STK38L: variants seen among roughly 807,000 people sequenced by gnomAD.
STK38L encodes the protein serine/threonine kinase 38 like, also known as serine/threonine-protein kinase 38-like.
Under a neutral mutation model 59.7 loss-of-function variants are expected in STK38L, and 28 were observed. The ratio of observed to expected loss-of-function variants is 0.47; its 90% CI spans 0.35 to 0.64. The LOEUF (loss-of-function observed/expected upper bound fraction) is 0.64. Ranked by LOEUF, STK38L falls within the 30% of genes least tolerant of loss-of-function variation. STK38L has a pLI of 0.01. For synonymous variants in STK38L, 162 were observed against 176.8 expected (o/e 0.92, Z 0.66); for missense variants, 314 against 555.8 (o/e 0.56, Z 4.37).
At chr12:27,263,603 A>C (rs1435975038) in intron 1 of STK38L, among the ~76,000 whole-genome samples, 2 of 152,192 alleles carry the variant, frequency 1.3e-5, no homozygotes, top group African/African-American at 4.8e-5. Context: ...GTCCCCTATT[A>C]TGTCCTTTAG....
At chr12:27,315,628 G>A (rs1477042649) in intron 9 of STK38L, among the ~76,000 whole-genome samples, 1 of 152,124 alleles carries the variant, frequency 6.6e-6, no homozygotes, top group Non-Finnish European at 1.5e-5. Context: ...AACTCACTGA[G>A]GTGAATGCAA....
intron 1 of STK38L, among the ~76,000 whole-genome samples, chr12:27,250,185 G>A (rs796886757): frequency 1.1e-4 from 17 of 152,232 alleles, no homozygotes; most frequent in African/African-American, 3.9e-4. Flanking sequence ...TACTTTTCAG[G>A]GGGCCAAGTT....
chr12:27,319,870 T>C (rs1000582453), intron 12 of STK38L, among the ~76,000 whole-genome samples: 3 of 152,240 alleles, frequency 2.0e-5, no homozygotes, highest in Non-Finnish European at 4.4e-5. Flanking sequence ...ATTGTGAGCA[T>C]TGGCTTTTTT....
chr12:27,273,595 TTTA>T (rs1442568259), intron 1 of STK38L, among the ~76,000 whole-genome samples: 1 of 152,210 alleles, frequency 6.6e-6, no homozygotes, highest in Non-Finnish European at 1.5e-5. Context: ...ATTATTTATT[TTTA>T]TTATTGTCAA....
intron 3 of STK38L, among the ~76,000 whole-genome samples, chr12:27,304,145 G>A (rs1944248215): frequency 6.6e-6 from 1 of 151,096 alleles, no homozygotes; most frequent in Non-Finnish European, 1.5e-5. Context: ...TGTAGTCCCA[G>A]CTACTCAGGA....
At chr12:27,318,076 A>G (rs1017889657) in intron 11 of STK38L, 57 bp downstream of exon 11, 2 of 1,598,494 alleles carry the variant, frequency 1.3e-6, no homozygotes, top group Middle Eastern at 1.7e-4. Context: ...CTAAGAACCT[A>G]AAAGACTCAT....
chr12:27,250,842 T>TA (rs964911247), intron 1 of STK38L, among the ~76,000 whole-genome samples: 31 of 151,124 alleles, frequency 2.1e-4, no homozygotes, highest in East Asian at 1.9e-4. Context: ...CTACTAAAAA[T>TA]AAAAAAAATA....
At chr12:27,271,452 T>G (rs1034630204) in intron 1 of STK38L, among the ~76,000 whole-genome samples, 3 of 152,232 alleles carry the variant, frequency 2.0e-5, no homozygotes, top group Admixed American at 6.5e-5. Flanking sequence ...TGGTTCCTCA[T>G]GAGTGGATGC....
Position 27,308,295 on chromosome 12 carries a change from A to G in STK38L, c.187-44A>G. 1 of 1,468,302 alleles carries G rather than the reference A, an allele frequency of 6.8e-7. No homozygotes were observed. 91.0% of individuals were successfully genotyped at this position (1,468,302 alleles called of 1,614,324 possible). The stretch of plus-strand genomic sequence containing the variant: ...TAATACTAGAAGCTCCATCAAAACA[A>G]CCTAATTATAAAATCATCCGTTTAA... On this transcript the variant is annotated intron_variant, in intron 3 of 13. Transcript: ENST00000389032. The surrounding 1 kb of genome is among the most constrained non-coding windows in gnomAD (Gnocchi z 4.5).
At chr12:27,304,085 G>T (rs1944246453) in intron 3 of STK38L, among the ~76,000 whole-genome samples, 2 of 151,758 alleles carry the variant, frequency 1.3e-5, no homozygotes, top group Admixed American at 1.3e-4. Context: ...AATATAGTAA[G>T]ACCTGGTCTC....
chr12:27,279,212 A>G (rs768504584), intron 1 of STK38L, among the ~76,000 whole-genome samples: 2 of 152,300 alleles, frequency 1.3e-5, no homozygotes, highest in East Asian at 1.9e-4. Context: ...GATGTTTTCA[A>G]ATTAGGATTG....
chr12:27,303,012 T>TA lies in STK38L; in HGVS notation c.186+846dup, dbSNP rs33949589. The stretch of plus-strand genomic sequence containing the variant: ...TGGGCGACAGAGCAAGACTCCGTCT[T>TA]AAAAAAAAAAAAAAAAAAAAAATTG... On this transcript the variant is annotated intron_variant, in intron 3 of 13. Transcript: ENST00000389032. Among the ~76,000 whole-genome samples, 1,149 of 119,756 alleles carry TA rather than the reference T, an allele frequency of 9.6e-3. 11 individuals are homozygous for TA. Among genetic ancestry groups the TA allele is most frequent in the African/African-American group, 0.033 (1,033 of 31,750 alleles). 78.6% of individuals were successfully genotyped at this position (119,756 alleles called of 152,430 possible).
intron 1 of STK38L, 56 bp from the exon 2 acceptor site, chr12:27,297,654 T>A: frequency 6.5e-7 from 1 of 1,538,514 alleles, no homozygotes; most frequent in South Asian, 1.3e-5. Flanking sequence ...GAGTTTATTA[T>A]AAAAGATAGG....
In STK38L at chr12:27,258,058, T is replaced by C. The variant is rs1322510740; in HGVS notation, c.-12+13726T>C. Among the ~76,000 whole-genome samples, 11 of 151,970 alleles carry C rather than the reference T, an allele frequency of 7.2e-5. No homozygotes were observed. The East Asian group carries it at 2.1e-3, about 29-fold the overall frequency. ...TGTATTTTTAGATGGGGTTTTACCATGTTGGCTAGGCTGGTCTCGAATTCC... is the reference window on the plus strand; with the variant it reads ...TGTATTTTTAGATGGGGTTTTACCACGTTGGCTAGGCTGGTCTCGAATTCC... On this transcript the variant is annotated intron_variant, in intron 1 of 13. Transcript: ENST00000389032.
intron 1 of STK38L, among the ~76,000 whole-genome samples, chr12:27,288,717 A>G (rs1943833055): frequency 6.6e-6 from 1 of 151,606 alleles, no homozygotes; most frequent in African/African-American, 2.4e-5. Flanking sequence ...TTTTATATAT[A>G]TATTTATAAA....
chr12:27,318,618 A>G (rs1295948058), intron 11 of STK38L, among the ~76,000 whole-genome samples: 1 of 152,194 alleles, frequency 6.6e-6, no homozygotes, highest in Non-Finnish European at 1.5e-5. Context: ...GTGAAAATTG[A>G]AAACTATTTA....
At chr12:27,291,109 A>T (rs556231793) in intron 1 of STK38L, among the ~76,000 whole-genome samples, 13 of 152,176 alleles carry the variant, frequency 8.5e-5, no homozygotes, top group Non-Finnish European at 1.8e-4. Flanking sequence ...TTCTTAGAAG[A>T]ATTCTGGGTA....
At chr12:27,246,426 A>G (rs1165467542) in intron 1 of STK38L, among the ~76,000 whole-genome samples, 1 of 152,154 alleles carries the variant, frequency 6.6e-6, no homozygotes, top group Non-Finnish European at 1.5e-5. Context: ...CTTTTATTTT[A>G]TGTAAATAGT....
chr12:27,320,590 G>A (rs146271036), intron 12 of STK38L, among the ~76,000 whole-genome samples: 1 of 151,556 alleles, frequency 6.6e-6, no homozygotes, highest in Non-Finnish European at 1.5e-5. Context: ...CACTCTGCCT[G>A]TTGTAATAAT....
Sources: allele counts gnomAD v4.1 joint callset (sites outside exome capture counted in the v4.1 genomes callset), GRCh38; gene constraint gnomAD v4.1.1; non-coding constraint Gnocchi (gnomAD v3.1); transcripts MANE v1.5; gene names NCBI Gene and HGNC (gene_info 2026-07-23, HGNC 2026-07-21).